DLGAP1: variants seen among roughly 807,000 people sequenced by gnomAD.
DLGAP1 encodes the protein disks large-associated protein 1.
In DLGAP1, 11 loss-of-function variants were observed where a neutral mutation model predicts 90.8. That is an observed-to-expected ratio of 0.12 (90% CI 0.08 to 0.20). DLGAP1 has a LOEUF of 0.20. DLGAP1 is among the 10% of genes least tolerant of loss of function. The pLI is 1.00. For synonymous variants in DLGAP1, 558 were observed against 540.7 expected, an observed-to-expected ratio of 1.03 and a Z score of -0.44; for missense variants, 1,050 against 1,333.8, an observed-to-expected ratio of 0.79 and a Z score of 3.31.
intron 9 of DLGAP1, 98 bp from the exon 10 acceptor site, chr18:3,534,713 CAG>C (rs1007329748): frequency 2.3e-5 from 22 of 947,046 alleles, no homozygotes; most frequent in African/African-American, 1.9e-4. Flanking sequence ...TTTTTTTTGA[CAG>C]AGTCTCACTC....
chr18:4,324,185 T>C (rs796624211), intron 1 of DLGAP1, among the ~76,000 whole-genome samples: 5 of 151,870 alleles, frequency 3.3e-5, no homozygotes, highest in African/African-American at 1.2e-4. Flanking sequence ...AAAAAAGATG[T>C]TACCACTGAC....
At chr18:3,994,129 C>G (rs1463151942) in intron 3 of DLGAP1, among the ~76,000 whole-genome samples, 1 of 152,122 alleles carries the variant, frequency 6.6e-6, no homozygotes, top group Non-Finnish European at 1.5e-5. Context: ...TTCCCCAGTG[C>G]TTGGCTTTTC....
chr18:3,582,209 G>A lies in DLGAP1; in HGVS notation c.1631C>T (p.Pro544Leu). The change falls in exon 8 of 13, where the codon CCA (proline) becomes CTA (leucine). Residue 544 changes from proline to leucine, a missense_variant. Transcript: ENST00000315677. ...CITTYKKTPP[P>L]VPPRTTTKPF... Reference sequence around the variant, plus strand: ...TTTCGTGGTAGTTCTGGGTGGGACTGGAGGTGGTGTCTTCTTATATGTTGT... The same window carrying A: ...TTTCGTGGTAGTTCTGGGTGGGACTAGAGGTGGTGTCTTCTTATATGTTGT... The A allele has an allele frequency of 1.2e-6, 2 of 1,614,170 alleles. No homozygotes were observed. The highest frequency in any genetic ancestry group is 1.7e-6 in the Non-Finnish European group (2 of 1,180,040).
chr18:4,254,728 C>T (rs1227934295), intron 1 of DLGAP1, among the ~76,000 whole-genome samples: 1 of 152,210 alleles, frequency 6.6e-6, no homozygotes, highest in Non-Finnish European at 1.5e-5. Flanking sequence ...ACATTTCCTT[C>T]CCATATGACT....
chr18:3,823,952 A>C (rs1273834034), intron 4 of DLGAP1, among the ~76,000 whole-genome samples: 1 of 141,432 alleles, frequency 7.1e-6, no homozygotes, highest in East Asian at 2.0e-4. Flanking sequence ...TCCCTCTCAA[A>C]AAAAAAAAAA....
At chr18:3,779,254 T>C (rs71358026) in intron 5 of DLGAP1, among the ~76,000 whole-genome samples, 2,135 of 152,244 alleles carry the variant, frequency 0.014, 46 homozygotes, top group Admixed American at 0.061. Flanking sequence ...TTGTTGTTGT[T>C]GTTTTAGAGA....
intron 3 of DLGAP1, among the ~76,000 whole-genome samples, chr18:3,929,464 A>G (rs1258412280): frequency 6.6e-6 from 1 of 152,232 alleles, no homozygotes; most frequent in Non-Finnish European, 1.5e-5. Flanking sequence ...AGTCAAAGCT[A>G]TCTTTGTGAT....
At chr18:3,936,403 C>G (rs1423610006) in intron 3 of DLGAP1, among the ~76,000 whole-genome samples, 1 of 152,172 alleles carries the variant, frequency 6.6e-6, no homozygotes, top group Non-Finnish European at 1.5e-5. Flanking sequence ...TGGTGCTGAG[C>G]CTCTTCCTTT....
intron 2 of DLGAP1, among the ~76,000 whole-genome samples, chr18:4,082,451 C>T (rs8087944): frequency 0.21 from 29,191 of 137,274 alleles, 2,966 homozygotes; most frequent in East Asian, 0.26. Flanking sequence ...GCAGAGGTTG[C>T]AGTGAGTTGA....
chr18:4,356,345 G>A (rs1424820683), intron 1 of DLGAP1, among the ~76,000 whole-genome samples: 1 of 152,066 alleles, frequency 6.6e-6, no homozygotes, highest in African/African-American at 2.4e-5. Context: ...TCTTAGACTT[G>A]TATCTAACAG....
At chr18:4,109,701 T>C (rs753333651) in intron 2 of DLGAP1, among the ~76,000 whole-genome samples, 16 of 152,158 alleles carry the variant, frequency 1.1e-4, no homozygotes, top group Non-Finnish European at 2.1e-4. Context: ...CTCCAGCCTA[T>C]ACCAAGTTCA....
intron 4 of DLGAP1, among the ~76,000 whole-genome samples, chr18:3,814,679 A>G (rs149960643): frequency 1.1e-4 from 17 of 152,164 alleles, no homozygotes; most frequent in Non-Finnish European, 2.1e-4. Flanking sequence ...GTAAGTGTAT[A>G]TATTTATAGA....
intron 2 of DLGAP1, among the ~76,000 whole-genome samples, chr18:4,128,570 A>C (rs2076266297): frequency 6.6e-6 from 1 of 152,184 alleles, no homozygotes; most frequent in Non-Finnish European, 1.5e-5. Context: ...AGCAGAAAAG[A>C]AAGCCCCCAG....
At chr18:3,765,130 C>CTTTT (rs1212463684) in intron 5 of DLGAP1, among the ~76,000 whole-genome samples, 1 of 113,236 alleles carries the variant, frequency 8.8e-6, no homozygotes, top group African/African-American at 3.7e-5. Context: ...TTTTTTTTTT[C>CTTTT]TTTTTTTTTT....
At chr18:4,192,189 A>ACCTC (rs1356609909) in intron 1 of DLGAP1, among the ~76,000 whole-genome samples, 1 of 152,126 alleles carries the variant, frequency 6.6e-6, no homozygotes, top group Admixed American at 6.5e-5. Flanking sequence ...TTCTCATGAT[A>ACCTC]CCTCTCCTTT....
At chr18:4,251,040 A>G (rs1159700609) in intron 1 of DLGAP1, among the ~76,000 whole-genome samples, 1 of 152,214 alleles carries the variant, frequency 6.6e-6, no homozygotes, top group Non-Finnish European at 1.5e-5. Context: ...ATGCCCCAGG[A>G]AACAGCGTTA....
At chr18:3,744,537 C>T (rs1041543456) in intron 5 of DLGAP1, among the ~76,000 whole-genome samples, 1 of 152,010 alleles carries the variant, frequency 6.6e-6, no homozygotes, top group African/African-American at 2.4e-5. Context: ...AACGTAATTG[C>T]GACAAAAATC....
intron 2 of DLGAP1, among the ~76,000 whole-genome samples, chr18:4,100,364 T>G (rs1231382370): frequency 2.6e-5 from 4 of 152,226 alleles, no homozygotes; most frequent in African/African-American, 9.6e-5. Context: ...AACATCTTTT[T>G]TCTTCTGAGC....
intron 5 of DLGAP1, among the ~76,000 whole-genome samples, chr18:3,813,357 AT>A (rs1356000397): frequency 6.6e-6 from 1 of 152,212 alleles, no homozygotes; most frequent in African/African-American, 2.4e-5. Flanking sequence ...GCCACTCCAT[AT>A]AGCCTAAGTG....
Sources: gnomAD v4.1 joint callset for allele counts (sites outside exome capture counted in the v4.1 genomes callset) on GRCh38, gnomAD v4.1.1 for gene constraint, MANE v1.5 for transcripts, NCBI Gene and HGNC (gene_info 2026-07-23, HGNC 2026-07-21) for gene names.